CMYA5: variants seen among roughly 807,000 people sequenced by gnomAD.
CMYA5 encodes cardiomyopathy-associated protein 5.
CMYA5 carries 246 observed loss-of-function variants against 318.9 expected under a neutral mutation model. The ratio of observed to expected loss-of-function variants is 0.77; its 90% confidence interval spans 0.70 to 0.86. The LOEUF is 0.86. Among genes scored for constraint, CMYA5 ranks in the 40% least tolerant of loss-of-function variants. The pLI is 0.00. For synonymous variants in CMYA5, 1,641 were observed against 1,729.5 expected, an observed-to-expected ratio of 0.95 and a Z score of 1.27; for missense variants, 4,589 against 4,678.2, an observed-to-expected ratio of 0.98 and a Z score of 0.56.
Position 79,761,891 on chromosome 5 carries a change from G to A in CMYA5, c.11341G>A (p.Val3781Met). The A allele has an allele frequency of 6.2e-7, 1 of 1,613,866 alleles. No homozygotes were observed. Among genetic ancestry groups the A allele is most frequent in the Non-Finnish European group, 8.5e-7 (1 of 1,179,838 alleles). The change falls in exon 8 of 13, where the codon GTG becomes ATG. Residue 3781 changes from valine to methionine, a missense_variant. By Grantham distance (21) the Val-to-Met change is conservative. Around this residue, in one of 3 missense-constraint regions of CMYA5, gnomAD observed 2,431 missense variants for 2,495.1 expected, o/e 0.97. Transcript: ENST00000446378. ...EDLEPDRCYQVWVMAVNFTGC... is the reference protein window; with the variant it reads ...EDLEPDRCYQMWVMAVNFTGC... ...TCTGGAACCTGACCGATGCTATCAA[G>A]TGTGGGTGATGGCTGTGAACTTCAC...
chr5:79,741,809 A>G (rs1185700374), intron 2 of CMYA5, among the ~76,000 whole-genome samples: 4 of 152,208 alleles, frequency 2.6e-5, no homozygotes. Context: ...TTTAAAACAA[A>G]TTTTATAAGT....
In CMYA5 at chr5:79,737,625, T is replaced by G. The variant is rs755570354; in HGVS notation, c.8860T>G (p.Leu2954Val). The G allele has an allele frequency of 3.7e-6, 6 of 1,613,660 alleles. No homozygotes were observed. The highest frequency in any genetic ancestry group is 1.7e-6 in the Non-Finnish European group (2 of 1,179,790). ...FSIISEGCEILNIHAPAFISS... is the reference protein window; with the variant it reads ...FSIISEGCEIVNIHAPAFISS... Reference sequence around the variant, plus strand: ...TATCATTTCTGAAGGCTGTGAGATATTGAATATTCATGCTCCGGCCTTTAT... The same window carrying G: ...TATCATTTCTGAAGGCTGTGAGATAGTGAATATTCATGCTCCGGCCTTTAT... The change falls in exon 2 of 13, where the codon TTG (leucine) becomes GTG (valine). Residue 2954 changes from leucine (L) to valine (V), a missense_variant. Physicochemically the swap from Leu to Val is conservative, Grantham distance 32. Transcript: ENST00000446378.
At chr5:79,746,910 C>A (rs1828335181) in intron 4 of CMYA5, among the ~76,000 whole-genome samples, 181 bp from the exon 5 acceptor site, 1 of 151,054 alleles carries the variant, frequency 6.6e-6, no homozygotes, top group Admixed American at 6.6e-5. Context: ...GCACTTATGT[C>A]CTTGCTGCCC....
chr5:79,746,890 C>T (rs1042166201), intron 4 of CMYA5, among the ~76,000 whole-genome samples: 5 of 152,254 alleles, frequency 3.3e-5, no homozygotes, highest in South Asian at 2.1e-4. Flanking sequence ...CCCTGCACCC[C>T]GCCTTGTGAG....
intron 9 of CMYA5, among the ~76,000 whole-genome samples, chr5:79,786,187 A>G (rs756655877): frequency 3.3e-5 from 5 of 152,114 alleles, no homozygotes; most frequent in Non-Finnish European, 5.9e-5. Context: ...TTTCAGCTCC[A>G]CTGGAGCTTA....
Position 79,733,390 on chromosome 5 carries a change from C to T in CMYA5, c.4625C>T (p.Thr1542Ile). ...SLWGEIKKKE[T>I]ELPSSQNVSP... ...TGGGGTGAGATAAAGAAGAAAGAAACTGAACTTCCTTCATCACAAAATGTG... is the reference window on the plus strand; with the variant it reads ...TGGGGTGAGATAAAGAAGAAAGAAATTGAACTTCCTTCATCACAAAATGTG... The change falls in exon 2 of 13, where the codon ACT (threonine) becomes ATT (isoleucine). Residue 1542 changes from threonine to isoleucine, a missense_variant. Thr to Ile is a moderately conservative substitution (Grantham distance 89). This residue lies in a region of CMYA5 where 2,132 missense variants were observed against 2,131.3 expected (regional missense o/e 1.00). Coordinates refer to ENST00000446378, the MANE Select transcript of CMYA5 (RefSeq NM_153610.5). The T allele has an allele frequency of 6.2e-7, 1 of 1,613,514 alleles. No individual in the cohort carries two copies. The highest frequency in any genetic ancestry group is 8.5e-7 in the Non-Finnish European group (1 of 1,179,814).
rs185481653 is a variant in CMYA5 at position 79,734,645 on chromosome 5, A to C, written c.5880A>C (p.Glu1960Asp). The part of the protein sequence containing the change: ...SAEESHLSSQ[E>D]AVSALDTSSG... ...AAGAATCTCATTTGTCATCACAAGA[A>C]GCAGTATCTGCTCTTGATACTTCCA... Residue 1960 changes from glutamate (E) to aspartate (D), a missense_variant, in exon 2 of 13, where the codon GAA (glutamate) becomes GAC (aspartate). By Grantham distance (45) the Glu-to-Asp change is conservative. Coordinates refer to ENST00000446378, the MANE Select transcript of CMYA5 (RefSeq NM_153610.5). 88 of 1,613,596 alleles carry C rather than the reference A, an allele frequency of 5.5e-5. No homozygotes were observed. The African/African-American group carries it at 1.1e-3, about 19-fold the overall frequency.
chr5:79,775,231 A>G (rs1828917151), intron 9 of CMYA5, among the ~76,000 whole-genome samples: 1 of 152,132 alleles, frequency 6.6e-6, no homozygotes, highest in African/African-American at 2.4e-5. Flanking sequence ...CCTAAATGAA[A>G]TCTTTCTTCC....
At chr5:79,786,409 G>A (rs544656968) in intron 9 of CMYA5, among the ~76,000 whole-genome samples, 157 of 152,294 alleles carry the variant, frequency 1.0e-3, no homozygotes, top group African/African-American at 3.6e-3. Flanking sequence ...ATTGGCTGTA[G>A]ACTTCCAATC....
At position 79,735,417 on chromosome 5, in the gene CMYA5, G is replaced by A; in HGVS notation, c.6652G>A (p.Asp2218Asn). The A allele has an allele frequency of 1.2e-6, 2 of 1,613,888 alleles. No individual in the cohort carries two copies. Among genetic ancestry groups the A allele is most frequent in the Non-Finnish European group, 1.7e-6 (2 of 1,179,800 alleles). Reference sequence around the variant, plus strand: ...CGTAGAAAAAGCAGTGACTGTGATAGATCCTGAAGGTACAATTCCCACCAA... The same window carrying A: ...CGTAGAAAAAGCAGTGACTGTGATAAATCCTGAAGGTACAATTCCCACCAA... The part of the protein sequence containing the change: ...PSVEKAVTVI[D>N]PEGTIPTNFN... Residue 2218 changes from aspartate to asparagine, a missense_variant, in exon 2 of 13, where the codon GAT becomes AAT. Asp to Asn is a conservative substitution (Grantham distance 23). Around this residue, in one of 3 missense-constraint regions of CMYA5, gnomAD observed 2,431 missense variants for 2,495.1 expected, o/e 0.97. Coordinates refer to ENST00000446378, the MANE Select transcript of CMYA5 (RefSeq NM_153610.5).
chr5:79,731,242 G>T lies in CMYA5; in HGVS notation c.2477G>T (p.Gly826Val). ...INEASQFKPK[G>V]ISEHTVLSVD... ...GAGGCATCCCAATTCAAACCAAAAGGTATTTCTGAGCACACAGTTCTGTCA... is the reference window on the plus strand; with the variant it reads ...GAGGCATCCCAATTCAAACCAAAAGTTATTTCTGAGCACACAGTTCTGTCA... The change falls in exon 2 of 13, where the codon GGT becomes GTT. Residue 826 changes from glycine (G) to valine (V), a missense_variant. Around this residue, in one of 3 missense-constraint regions of CMYA5, gnomAD observed 2,132 missense variants for 2,131.3 expected, o/e 1.00. Transcript: ENST00000446378. The T allele has an allele frequency of 6.2e-7, 1 of 1,613,954 alleles. No individual in the cohort carries two copies. Among genetic ancestry groups the T allele is most frequent in the Admixed American group, 1.7e-5 (1 of 60,014 alleles).
chr5:79,742,110 CT>C (rs1554035230), intron 2 of CMYA5, among the ~76,000 whole-genome samples: 13 of 68,582 alleles, frequency 1.9e-4, no homozygotes, highest in African/African-American at 8.4e-4. Flanking sequence ...TTCTTCTTCT[CT>C]TCTTCTTCTT....
At chr5:79,702,476 T>A (rs1396128163) in intron 1 of CMYA5, among the ~76,000 whole-genome samples, 1 of 152,176 alleles carries the variant, frequency 6.6e-6, no homozygotes, top group Non-Finnish European at 1.5e-5. Context: ...GAAAACTTTA[T>A]GCTAAGTAAA....
intron 11 of CMYA5, among the ~76,000 whole-genome samples, chr5:79,791,734 G>T (rs992639383): frequency 2.8e-5 from 4 of 142,054 alleles, no homozygotes; most frequent in Non-Finnish European, 6.1e-5. Flanking sequence ...AAAAAAAAAA[G>T]GCATAGAAGA....
rs759701391 is a variant in CMYA5 at position 79,745,323 on chromosome 5, A to G, written c.10836A>G (p.Glu3612=). 3.1e-6 allele frequency: 5 copies of G among 1,613,874 alleles called. No individual in the cohort carries two copies. Among genetic ancestry groups the G allele is most frequent in the Non-Finnish European group, 4.2e-6 (5 of 1,179,816 alleles). ...QYDEKAQSFE[E]VKKKKMEFLH... ...ATGAGAAAGCCCAGAGCTTTGAGGA[A>G]GTGAAGAAGAAGAAGATGGAGTTCC... The change falls in exon 4 of 13, where the codon GAA becomes GAG. Residue 3612 remains glutamate (E), a synonymous_variant. Coordinates refer to ENST00000446378, the MANE Select transcript of CMYA5 (RefSeq NM_153610.5).
chr5:79,784,851 G>C (rs1413033547), intron 9 of CMYA5, among the ~76,000 whole-genome samples: 8 of 151,304 alleles, frequency 5.3e-5, no homozygotes, highest in African/African-American at 1.7e-4. Context: ...CGGTACCTCA[G>C]ATGGAAATGC....
At chr5:79,750,012 T>A (rs1443420828) in intron 5 of CMYA5, among the ~76,000 whole-genome samples, 1 of 76,352 alleles carries the variant, frequency 1.3e-5, no homozygotes, top group Non-Finnish European at 2.5e-5. Context: ...TTTTGCCTAT[T>A]TTTTTTTTTT....
chr5:79,737,301 C>T lies in CMYA5; in HGVS notation c.8536C>T (p.His2846Tyr). 6.2e-7 allele frequency: 1 copy of T among 1,613,822 alleles called. No homozygotes were observed. The highest frequency in any genetic ancestry group is 8.5e-7 in the Non-Finnish European group (1 of 1,179,804). ...ACGATCAGAATTGACTCCAGAAAGG[C>T]ATACAGTTCATACTATTCAGACATC... Reference protein sequence around the residue: ...MPRSELTPERHTVHTIQTSKD... With the variant: ...MPRSELTPERYTVHTIQTSKD... Residue 2846 changes from histidine (H) to tyrosine (Y), a missense_variant, in exon 2 of 13, where the codon CAT (histidine) becomes TAT (tyrosine). Transcript: ENST00000446378.
At chr5:79,722,529 T>C (rs1435225263) in intron 1 of CMYA5, among the ~76,000 whole-genome samples, 1 of 151,656 alleles carries the variant, frequency 6.6e-6, no homozygotes, top group African/African-American at 2.4e-5. Context: ...ATACAAAAAA[T>C]TGGCTGGCAT....
Sources: allele counts gnomAD v4.1 joint callset (sites outside exome capture counted in the v4.1 genomes callset), GRCh38; gene constraint gnomAD v4.1.1; regional missense constraint gnomAD v4.1.1; transcripts MANE v1.5; gene names NCBI Gene and HGNC (gene_info 2026-07-23, HGNC 2026-07-21).